The following PDE3B variants were observed in gnomAD, a reference collection of about 807,000 sequenced individuals.
The protein encoded by PDE3B is phosphodiesterase 3B.
In PDE3B, 66 loss-of-function variants were observed where a neutral mutation model predicts 116.8. That is an observed-to-expected ratio of 0.56 (90% CI 0.46 to 0.69). The LOEUF (loss-of-function observed/expected upper bound fraction) is 0.69, where lower values mean the gene tolerates loss of function less well. Among genes scored for constraint, PDE3B ranks in the 30% least tolerant of loss-of-function variants. The pLI, the probability that PDE3B is intolerant of heterozygous loss-of-function variation, is 0.00. For synonymous variants in PDE3B, 595 were observed against 533.6 expected, an observed-to-expected ratio of 1.12 and a Z score of -1.59; for missense variants, 1,384 against 1,368.1, an observed-to-expected ratio of 1.01 and a Z score of -0.18.
At chr11:14,772,038 C>G (rs779418712) in intron 2 of PDE3B, 51 bp downstream of exon 2, 18 of 774,672 alleles carry the variant, frequency 2.3e-5, no homozygotes, top group African/African-American at 9.2e-5. Context: ...TCTGTGATCA[C>G]TAAATAATAT....
rs377548741 is a variant in PDE3B at position 14,695,535 on chromosome 11, G to T, written c.978+50482G>T. Among the ~76,000 whole-genome samples the T allele has an allele frequency of 4.0e-5, 6 of 151,802 alleles. No homozygotes were observed. In the East Asian group the frequency reaches 1.2e-3, roughly 29 times the overall value. Reference sequence around the variant, plus strand: ...AAAATAATTATTTTATTTTTTTTAAGTTCTGGGGTACATGTTCAGGATGTG... The same window carrying T: ...AAAATAATTATTTTATTTTTTTTAATTTCTGGGGTACATGTTCAGGATGTG... On this transcript the variant is annotated intron_variant, in intron 1 of 15. Transcript: ENST00000282096.
At chr11:14,678,991 CAT>C (rs748192237) in intron 1 of PDE3B, among the ~76,000 whole-genome samples, 23 of 152,112 alleles carry the variant, frequency 1.5e-4, no homozygotes, top group Non-Finnish European at 2.8e-4. Context: ...CCAATTCTAA[CAT>C]CATTTGTTGT....
chr11:14,689,958 T>C (rs1590064399), intron 1 of PDE3B, among the ~76,000 whole-genome samples: 1 of 152,104 alleles, frequency 6.6e-6, no homozygotes, highest in Non-Finnish European at 1.5e-5. Context: ...TAAGGGGAAG[T>C]TGAATAGGAT....
intron 1 of PDE3B, among the ~76,000 whole-genome samples, chr11:14,753,856 G>T (rs934163200): frequency 1.3e-5 from 2 of 152,032 alleles, no homozygotes; most frequent in Non-Finnish European, 2.9e-5. Flanking sequence ...TGATTAAATA[G>T]TGTTTTGCTT....
intron 15 of PDE3B, among the ~76,000 whole-genome samples, chr11:14,868,276 T>C (rs1292440393): frequency 3.3e-5 from 5 of 152,216 alleles, no homozygotes; most frequent in Admixed American, 6.5e-5. Flanking sequence ...TCACCACATC[T>C]GAACATATGT....
At chr11:14,878,410 G>T in the PDE3B span, 1 of 1,018,452 alleles carries the variant, frequency 9.8e-7, no homozygotes, top group Non-Finnish European at 1.4e-6. Flanking sequence ...AAGAAAGAGG[G>T]AACTATGTTT....
chr11:14,694,446 C>A (rs1010979188), intron 1 of PDE3B, among the ~76,000 whole-genome samples: 14 of 152,184 alleles, frequency 9.2e-5, no homozygotes, highest in African/African-American at 2.9e-4. Context: ...GCAACCACCA[C>A]CCTGATAAGT....
chr11:14,784,389 TA>T (rs1355860949), intron 2 of PDE3B, among the ~76,000 whole-genome samples: 1 of 152,132 alleles, frequency 6.6e-6, no homozygotes, highest in Non-Finnish European at 1.5e-5. Context: ...CAATTATACT[TA>T]AAAGTAAGCA....
At chr11:14,856,401 T>C (rs7125781) in intron 12 of PDE3B, among the ~76,000 whole-genome samples, 98,879 of 151,990 alleles carry the variant, frequency 0.65, 32,288 homozygotes, top group Middle Eastern at 0.71. Flanking sequence ...AACAGCTGTT[T>C]GTCAAGACTA....
Position 14,806,157 on chromosome 11 carries a change from A to G in PDE3B, c.1522+2107A>G, listed in dbSNP as rs1003640849. The stretch of plus-strand genomic sequence containing the variant: ...CCATTACTGGGTATATACCCAAAGG[A>G]TTGTAAATCATGTGGCTGGGCGTGG... On this transcript the variant is annotated intron_variant, in intron 5 of 15. Coordinates refer to ENST00000282096, the MANE Select transcript of PDE3B (RefSeq NM_000922.4). Among the ~76,000 whole-genome samples the G allele has an allele frequency of 7.2e-5, 11 of 152,160 alleles. 1 individual carries two copies. Among genetic ancestry groups the G allele is most frequent in the Non-Finnish European group, 8.8e-5 (6 of 68,026 alleles).
intron 1 of PDE3B, among the ~76,000 whole-genome samples, chr11:14,771,401 A>G (rs1210681941): frequency 1.3e-5 from 2 of 151,778 alleles, no homozygotes; most frequent in African/African-American, 2.4e-5. Flanking sequence ...AAGCTAGGCT[A>G]TCAAGGAGAC....
chr11:14,756,737 A>G (rs1045404643), intron 1 of PDE3B, among the ~76,000 whole-genome samples: 1 of 152,154 alleles, frequency 6.6e-6, no homozygotes, highest in African/African-American at 2.4e-5. Context: ...TTCTAAGTGC[A>G]TGAGCAATCT....
At chr11:14,649,282 C>T (rs1363372830) in intron 1 of PDE3B, among the ~76,000 whole-genome samples, 1 of 152,094 alleles carries the variant, frequency 6.6e-6, no homozygotes, top group Non-Finnish European at 1.5e-5. Flanking sequence ...AAAATTTATT[C>T]TTGCCGAAAA....
intron 1 of PDE3B, among the ~76,000 whole-genome samples, chr11:14,675,959 T>A (rs557428884): frequency 1.2e-3 from 176 of 152,236 alleles, no homozygotes; most frequent in African/African-American, 3.9e-3. Flanking sequence ...GAAACTGACA[T>A]ACACTTTTTC....
At chr11:14,780,320 A>G (rs1287007797) in intron 2 of PDE3B, among the ~76,000 whole-genome samples, 1 of 152,228 alleles carries the variant, frequency 6.6e-6, no homozygotes, top group Non-Finnish European at 1.5e-5. Context: ...CGAACCTAAT[A>G]GACATCTACA....
Position 14,804,206 on chromosome 11 carries a change from G to A in PDE3B, c.1522+156G>A, listed in dbSNP as rs538749832. 3.0e-4 allele frequency among the ~76,000 whole-genome samples: 45 copies of A among 152,232 alleles called. No homozygotes were observed. In the South Asian group the frequency reaches 5.8e-3, roughly 20 times the overall value. ...AGTTTGGGTTGGCTACTAATTGACCGTTTGCTAATTCTTTCAGTAAAAACA... is the reference window on the plus strand; with the variant it reads ...AGTTTGGGTTGGCTACTAATTGACCATTTGCTAATTCTTTCAGTAAAAACA... On this transcript the variant is annotated intron_variant, in intron 5 of 15. Transcript: ENST00000282096.
At chr11:14,773,152 T>G (rs1286725362) in intron 2 of PDE3B, 6 of 152,010 alleles carry the variant, frequency 3.9e-5, no homozygotes, top group Non-Finnish European at 8.8e-5. Flanking sequence ...TAAGGACTTT[T>G]TTTCTCTTAA....
the PDE3B span, chr11:14,887,561 G>T: frequency 7.2e-6 from 7 of 972,214 alleles, no homozygotes; most frequent in Non-Finnish European, 8.6e-6. Flanking sequence ...AATAATTTTA[G>T]TGCCAATTAT....
chr11:14,644,219 C>T lies in PDE3B; in HGVS notation c.144C>T (p.Phe48=), dbSNP rs775062636. The change falls in exon 1 of 16, where the codon TTC becomes TTT. Residue 48 remains phenylalanine (F), a synonymous_variant. Coordinates refer to ENST00000282096, the MANE Select transcript of PDE3B (RefSeq NM_000922.4). ...PLRQDPPRGF[F]FHLCRFCNVE... Reference sequence around the variant, plus strand: ...GGCAGGACCCTCCGCGCGGCTTCTTCTTCCACCTCTGCCGCTTCTGCAACG... The same window carrying T: ...GGCAGGACCCTCCGCGCGGCTTCTTTTTCCACCTCTGCCGCTTCTGCAACG... 357 of 1,591,490 alleles carry T rather than the reference C, an allele frequency of 2.2e-4. No individual in the cohort carries two copies. Among genetic ancestry groups the T allele is most frequent in the Middle Eastern group, 5.0e-4 (3 of 5,982 alleles).
Sources: allele counts gnomAD v4.1 joint callset (sites outside exome capture counted in the v4.1 genomes callset), GRCh38; gene constraint gnomAD v4.1.1; transcripts MANE v1.5; gene names NCBI Gene and HGNC (gene_info 2026-07-23, HGNC 2026-07-21).